The following SUGCT variants were observed in gnomAD, a reference collection of about 807,000 sequenced individuals.
SUGCT encodes the protein succinyl-CoA:glutarate CoA-transferase.
SUGCT carries 41 observed loss-of-function variants against 55.0 expected under a neutral mutation model. The ratio of observed to expected loss-of-function variants is 0.74; its 90% CI spans 0.58 to 0.97. The LOEUF (loss-of-function observed/expected upper bound fraction) is 0.97, where lower values mean the gene tolerates loss of function less well. Among genes scored for constraint, SUGCT ranks in the 50% least tolerant of loss-of-function variants. The pLI is 0.00. For synonymous variants in SUGCT, 187 were observed against 200.4 expected (o/e 0.93, Z 0.56); for missense variants, 568 against 547.8 (o/e 1.04, Z -0.37).
the SUGCT span, among the ~76,000 whole-genome samples, chr7:40,870,847 T>C: frequency 1.3e-5 from 2 of 152,236 alleles, no homozygotes; most frequent in African/African-American, 4.8e-5. Context: ...TTGTGGGTTA[T>C]CATTTATTGT....
At chr7:40,249,741 G>A (rs1790228522) in intron 7 of SUGCT, among the ~76,000 whole-genome samples, 2 of 151,918 alleles carry the variant, frequency 1.3e-5, no homozygotes, top group Admixed American at 6.6e-5. Context: ...CAGAGTTAAT[G>A]GTGGAATAAC....
chr7:40,253,046 C>T (rs1193436471), intron 7 of SUGCT, among the ~76,000 whole-genome samples: 3 of 152,156 alleles, frequency 2.0e-5, no homozygotes, highest in Non-Finnish European at 4.4e-5. Flanking sequence ...TAATATAGTG[C>T]AAAGAACATG....
intron 12 of SUGCT, among the ~76,000 whole-genome samples, chr7:40,520,649 G>A (rs1793480893): frequency 1.3e-5 from 2 of 152,094 alleles, no homozygotes; most frequent in Admixed American, 6.6e-5. Context: ...CAATTTCTTG[G>A]CCTTGACAAA....
intron 9 of SUGCT, among the ~76,000 whole-genome samples, chr7:40,397,459 C>T (rs1290148969): frequency 1.3e-5 from 2 of 152,088 alleles, no homozygotes; most frequent in East Asian, 1.9e-4. Flanking sequence ...TTTGTGACTT[C>T]GACTTCTGGA....
At chr7:40,586,989 A>T (rs1797413948) in intron 12 of SUGCT, among the ~76,000 whole-genome samples, 1 of 152,240 alleles carries the variant, frequency 6.6e-6, no homozygotes. Flanking sequence ...TATATGTAAC[A>T]ACATGGATGA....
intron 12 of SUGCT, among the ~76,000 whole-genome samples, chr7:40,545,822 GA>G (rs1269672646): frequency 6.6e-6 from 1 of 152,112 alleles, no homozygotes; most frequent in Non-Finnish European, 1.5e-5. Context: ...TTTGACTTTG[GA>G]AATACCCAGA....
intron 12 of SUGCT, among the ~76,000 whole-genome samples, chr7:40,609,620 T>C (rs1798683898): frequency 6.6e-6 from 1 of 152,072 alleles, no homozygotes; most frequent in African/African-American, 2.4e-5. Context: ...TCTTAACTTT[T>C]GTTTACATAT....
rs754828574 is a variant in SUGCT, at chr7:40,316,786, A to G, written c.747A>G (p.Ala249=). 10 of 1,601,652 alleles carry G rather than the reference A, an allele frequency of 6.2e-6. No individual in the cohort carries two copies. In the South Asian group the frequency reaches 1.0e-4, roughly 16 times the overall value. The change falls in exon 9 of 14, where the codon GCA becomes GCG. Residue 249 remains alanine (A), a synonymous_variant. Coordinates refer to ENST00000335693, the MANE Select transcript of SUGCT (RefSeq NM_001193313.2). ...SQVACLSHIA[A]NYLIGQKEAK... ...TGGCGTGTTTGTCTCACATAGCTGC[A>G]AATTATCTTATTGGTCAAAAGGAAG...
At position 40,255,660 on chromosome 7, in the gene SUGCT, C is replaced by CAAA. The variant is rs70996898; in HGVS notation, c.576+17959_576+17961dup. Among the ~76,000 whole-genome samples, 67 of 54,198 alleles carry CAAA rather than the reference C, an allele frequency of 1.2e-3. 2 individuals carry two copies. Among genetic ancestry groups the CAAA allele is most frequent in the African/African-American group, 2.4e-3 (28 of 11,812 alleles). The allele number at this position is 54,198 out of a possible 152,430, so 35.6% of individuals were successfully genotyped here. ...TGGGCGGCTGAGTGAGACTCTGTAT[C>CAAA]AAAAAAAAAAAAAAAAAAAAAAAAA... is the stretch of plus-strand genomic sequence containing the variant. On this transcript the variant is annotated intron_variant, in intron 7 of 13. Coordinates refer to ENST00000335693, the MANE Select transcript of SUGCT (RefSeq NM_001193313.2).
the SUGCT span, among the ~76,000 whole-genome samples, chr7:41,035,477 T>A: frequency 2.0e-5 from 3 of 152,168 alleles, no homozygotes; most frequent in Admixed American, 1.3e-4. Flanking sequence ...TCTCAAAGGG[T>A]TGCTGGGCCT....
chr7:40,714,053 G>A (rs2128675176), intron 12 of SUGCT, among the ~76,000 whole-genome samples: 1 of 152,254 alleles, frequency 6.6e-6, no homozygotes. Flanking sequence ...AACAAGGCCG[G>A]GTGCAGTGGC....
intron 12 of SUGCT, among the ~76,000 whole-genome samples, chr7:40,510,076 G>A (rs1325353940): frequency 6.6e-6 from 1 of 152,030 alleles, no homozygotes; most frequent in African/African-American, 2.4e-5. Context: ...AATTTTCATA[G>A]TATATATAAT....
intron 13 of SUGCT, among the ~76,000 whole-genome samples, chr7:40,758,310 T>A (rs1265577573): frequency 6.6e-6 from 1 of 152,088 alleles, no homozygotes; most frequent in Admixed American, 6.6e-5. Flanking sequence ...GTCTTTAAGA[T>A]GTCAAGAAGT....
intron 13 of SUGCT, among the ~76,000 whole-genome samples, chr7:40,773,583 T>A (rs919518914): frequency 1.3e-5 from 2 of 152,218 alleles, no homozygotes; most frequent in Admixed American, 6.5e-5. Flanking sequence ...TTGCTTCAAA[T>A]GATGAGCAGC....
chr7:40,408,896 A>G (rs1290821644), intron 9 of SUGCT, among the ~76,000 whole-genome samples: 2 of 152,178 alleles, frequency 1.3e-5, no homozygotes, highest in Non-Finnish European at 2.9e-5. Context: ...GAACAGATAC[A>G]CAAAGGCCTA....
At chr7:40,974,062 A>T in the SUGCT span, among the ~76,000 whole-genome samples, 1 of 152,238 alleles carries the variant, frequency 6.6e-6, no homozygotes, top group Admixed American at 6.5e-5. Context: ...AATTCTGGCT[A>T]CTGCATTCTC....
chr7:40,989,394 G>A, the SUGCT span, among the ~76,000 whole-genome samples: 2 of 152,058 alleles, frequency 1.3e-5, no homozygotes, highest in African/African-American at 4.8e-5. Context: ...ATTTGTCTTT[G>A]TCATTTCAAC....
At chr7:41,012,222 C>T in the SUGCT span, among the ~76,000 whole-genome samples, 1 of 152,190 alleles carries the variant, frequency 6.6e-6, no homozygotes, top group Non-Finnish European at 1.5e-5. Context: ...TTTGCTTATA[C>T]CCCTCAATAG....
At chr7:40,523,370 T>C (rs1300672343) in intron 12 of SUGCT, among the ~76,000 whole-genome samples, 1 of 152,064 alleles carries the variant, frequency 6.6e-6, no homozygotes, top group Non-Finnish European at 1.5e-5. Flanking sequence ...TTAATATCTA[T>C]CTTAAGAATT....
Sources: gnomAD v4.1 joint callset for allele counts (sites outside exome capture counted in the v4.1 genomes callset) on GRCh38, gnomAD v4.1.1 for gene constraint, MANE v1.5 for transcripts, NCBI Gene and HGNC (gene_info 2026-07-23, HGNC 2026-07-21) for gene names.